The following ARHGEF26 variants were observed in gnomAD, a reference collection of about 807,000 sequenced individuals.
ARHGEF26 encodes Rho guanine nucleotide exchange factor 26.
In ARHGEF26, 59 loss-of-function variants were observed where a neutral mutation model predicts 89.4. The ratio of observed to expected loss-of-function variants is 0.66; its 90% CI spans 0.54 to 0.82. ARHGEF26 has a LOEUF of 0.82. Among genes scored for constraint, ARHGEF26 ranks in the 40% least tolerant of loss-of-function variants. The probability of loss-of-function intolerance (pLI) is 0.00; values close to 1 mark genes in which losing one functional copy is unlikely to be tolerated. For synonymous variants in ARHGEF26, 500 were observed against 428.4 expected (o/e 1.17, Z -2.06); for missense variants, 1,234 against 1,085.6 (o/e 1.14, Z -1.92).
chr3:154,246,954 T>A (rs1212650982), intron 12 of ARHGEF26, among the ~76,000 whole-genome samples: 1 of 152,146 alleles, frequency 6.6e-6, no homozygotes, highest in Admixed American at 6.5e-5. Context: ...CTAGTTGAGT[T>A]GTTTCTTAAT....
At chr3:154,185,618 G>A (rs357464) in intron 6 of ARHGEF26, among the ~76,000 whole-genome samples, 71,573 of 151,898 alleles carry the variant, frequency 0.47, 17,329 homozygotes, top group Non-Finnish European at 0.53. Flanking sequence ...GGTGTTCATC[G>A]ACCCTCCCTA....
intron 9 of ARHGEF26, among the ~76,000 whole-genome samples, chr3:154,208,463 A>G (rs1411128800): frequency 2.6e-5 from 4 of 152,030 alleles, no homozygotes; most frequent in Admixed American, 2.6e-4. Context: ...ACCTTCTTGT[A>G]CTTGGATACT....
At chr3:154,210,921 C>T (rs553037396) in intron 9 of ARHGEF26, among the ~76,000 whole-genome samples, 7 of 150,184 alleles carry the variant, frequency 4.7e-5, no homozygotes, top group Admixed American at 2.0e-4. Context: ...CTAGCCTGGG[C>T]GACAGATTAA....
intron 11 of ARHGEF26, among the ~76,000 whole-genome samples, chr3:154,240,098 A>G (rs923769329): frequency 6.6e-6 from 1 of 152,196 alleles, no homozygotes; most frequent in African/African-American, 2.4e-5. Context: ...AGGATCACTT[A>G]TTATAACAGT....
chr3:154,253,241 G>T, intron 13 of ARHGEF26, 58 bp downstream of exon 13: 1 of 1,592,914 alleles, frequency 6.3e-7, no homozygotes, highest in Non-Finnish European at 8.6e-7. Flanking sequence ...GCCCCCTGCT[G>T]GACGCCGGGT....
chr3:154,181,364 A>G (rs1018641993), intron 6 of ARHGEF26, among the ~76,000 whole-genome samples: 5 of 152,130 alleles, frequency 3.3e-5, no homozygotes, highest in African/African-American at 9.7e-5. Context: ...AGTGAATATG[A>G]CCTTCTCTGG....
intron 6 of ARHGEF26, among the ~76,000 whole-genome samples, chr3:154,178,070 G>T: frequency 6.6e-6 from 1 of 152,098 alleles, no homozygotes; most frequent in East Asian, 1.9e-4. Context: ...CTGGCATGGT[G>T]GTGGGCGCCT....
At chr3:154,161,427 G>A (rs1241276368) in intron 6 of ARHGEF26, among the ~76,000 whole-genome samples, 2 of 151,986 alleles carry the variant, frequency 1.3e-5, no homozygotes, top group Non-Finnish European at 2.9e-5. Flanking sequence ...ATTGTTTTGA[G>A]GATTAAATGA....
chr3:154,218,540 T>A (rs1715921935), intron 10 of ARHGEF26, among the ~76,000 whole-genome samples: 2 of 152,228 alleles, frequency 1.3e-5, no homozygotes, highest in Admixed American at 1.3e-4. Context: ...ATGGCCATTC[T>A]TTTGTTGGCT....
chr3:154,123,088 A>G lies in ARHGEF26; in HGVS notation c.1083+13A>G. 6.2e-7 allele frequency: 1 copy of G among 1,612,704 alleles called. No individual in the cohort carries two copies. Among genetic ancestry groups the G allele is most frequent in the Non-Finnish European group, 8.5e-7 (1 of 1,178,914 alleles). On this transcript the variant is annotated intron_variant, in intron 2 of 14. Transcript: ENST00000465093. ...GGGAAGGATAAAGGTAAAAGTGGGC[A>G]GGAGTGTGGCACGCCATTCACTAAG...
intron 3 of ARHGEF26, among the ~76,000 whole-genome samples, chr3:154,125,047 A>G (rs1233307789): frequency 6.6e-6 from 1 of 151,488 alleles, no homozygotes; most frequent in Non-Finnish European, 1.5e-5. Flanking sequence ...TTTTAAATAG[A>G]TGGGTCAAGC....
At chr3:154,220,963 TAAGAG>T (rs1341337896) in intron 10 of ARHGEF26, among the ~76,000 whole-genome samples, 1 of 152,042 alleles carries the variant, frequency 6.6e-6, no homozygotes, top group African/African-American at 2.4e-5. Context: ...ATCAAAATGA[TAAGAG>T]AAGACCCACT....
At chr3:154,147,809 C>G (rs1217161177) in intron 4 of ARHGEF26, among the ~76,000 whole-genome samples, 1 of 152,104 alleles carries the variant, frequency 6.6e-6, no homozygotes, top group Non-Finnish European at 1.5e-5. Flanking sequence ...CTTCCTCCCT[C>G]CCTTCCTCTC....
At chr3:154,124,285 C>G in intron 2 of ARHGEF26, 125 bp from the exon 3 acceptor site, 1 of 672,576 alleles carries the variant, frequency 1.5e-6, no homozygotes, top group Non-Finnish European at 2.5e-6. Flanking sequence ...TCTTGGAAAT[C>G]TAATTAATGT....
intron 6 of ARHGEF26, among the ~76,000 whole-genome samples, chr3:154,165,183 C>T (rs1305316809): frequency 6.6e-6 from 1 of 152,064 alleles, no homozygotes; most frequent in Non-Finnish European, 1.5e-5. Context: ...CTGTATGCCT[C>T]CTGTTTTGAA....
chr3:154,194,358 G>A (rs373237583), intron 8 of ARHGEF26, among the ~76,000 whole-genome samples: 1 of 152,162 alleles, frequency 6.6e-6, no homozygotes, highest in African/African-American at 2.4e-5. Context: ...TAGAGTTAGT[G>A]ACTTGCTCAA....
In ARHGEF26 at chr3:154,256,247, T is replaced by C; in HGVS notation, c.*774T>C. 1 of 985,424 alleles carries C rather than the reference T, an allele frequency of 1.0e-6. No homozygotes were observed. The highest frequency in any genetic ancestry group is 1.2e-6 in the Non-Finnish European group (1 of 829,934). The allele number at this position is 985,424 out of a possible 1,614,324, so 61.0% of individuals were successfully genotyped here. The stretch of plus-strand genomic sequence containing the variant: ...AATATAGGACAGGGGTCCTACTTTT[T>C]TCCCCACCTCTGTCGCCCAGGCTAG... On this transcript the variant is annotated 3_prime_UTR_variant, in exon 15 of 15. Transcript: ENST00000465093.
At chr3:154,243,951 T>G (rs1286692739) in intron 12 of ARHGEF26, among the ~76,000 whole-genome samples, 1 of 152,226 alleles carries the variant, frequency 6.6e-6, no homozygotes, top group Non-Finnish European at 1.5e-5. Context: ...TTTTGAGCAA[T>G]TAGAGTTTTG....
intron 9 of ARHGEF26, among the ~76,000 whole-genome samples, chr3:154,206,519 A>G (rs1715028215): frequency 1.3e-5 from 2 of 152,172 alleles, no homozygotes; most frequent in African/African-American, 4.8e-5. Context: ...CATAATTAAC[A>G]CAAAAAGAAT....
Sources: allele counts gnomAD v4.1 joint callset (sites outside exome capture counted in the v4.1 genomes callset), GRCh38; gene constraint gnomAD v4.1.1; transcripts MANE v1.5; gene names NCBI Gene and HGNC (gene_info 2026-07-23, HGNC 2026-07-21).